The following TRPC4 variants were observed in gnomAD, a reference collection of about 807,000 sequenced individuals.
TRPC4 encodes transient receptor potential cation channel subfamily C member 4, also known as short transient receptor potential channel 4.
In TRPC4, 49 loss-of-function variants were observed where a neutral mutation model predicts 99.4. That is an observed-to-expected ratio of 0.49 (90% confidence interval 0.39 to 0.63). The LOEUF (loss-of-function observed/expected upper bound fraction) is 0.63. Among genes scored for constraint, TRPC4 ranks in the 20% least tolerant of loss-of-function variants. TRPC4 has a pLI of 0.00. For synonymous variants in TRPC4, 454 were observed against 425.9 expected (o/e 1.07, Z -0.81); for missense variants, 898 against 1,152.9 (o/e 0.78, Z 3.20).
chr13:37,712,999 T>C (rs1373643710), intron 3 of TRPC4, among the ~76,000 whole-genome samples: 1 of 152,198 alleles, frequency 6.6e-6, no homozygotes. Context: ...TCAGGCTAAC[T>C]AAGATTTGTT....
At chr13:37,840,733 T>C (rs1230251625) in intron 1 of TRPC4, among the ~76,000 whole-genome samples, 2 of 152,038 alleles carry the variant, frequency 1.3e-5, no homozygotes, top group African/African-American at 4.8e-5. Flanking sequence ...TAAATTTATT[T>C]TTACATTTTC....
intron 1 of TRPC4, among the ~76,000 whole-genome samples, chr13:37,815,084 G>C (rs968367152): frequency 6.6e-6 from 1 of 151,726 alleles, no homozygotes; most frequent in Non-Finnish European, 1.5e-5. Context: ...ATGGAAAAAA[G>C]ATCTTTCAAT....
rs749733352 is a variant in TRPC4 at position 37,639,286 on chromosome 13, T to G, written c.2093A>C (p.Asp698Ala). 1.2e-6 allele frequency: 2 copies of G among 1,613,712 alleles called. No homozygotes were observed. Among genetic ancestry groups the G allele is most frequent in the African/African-American group, 2.7e-5 (2 of 75,032 alleles). The change falls in exon 9 of 11, where the codon GAT becomes GCT. Residue 698 changes from aspartate to alanine, a missense_variant. By Grantham distance (126) the Asp-to-Ala change is moderately radical. Coordinates refer to ENST00000379705, the MANE Select transcript of TRPC4 (RefSeq NM_016179.4). ...GTATTGGTGATGTCTTCTCAAGTTA[T>G]CAGCAGCTCGCCTCTGAAAAGGAAA... ...SFGTIGRRAADNLRRHHQYQE... is the reference protein window; with the variant it reads ...SFGTIGRRAAANLRRHHQYQE...
chr13:37,812,424 CAAG>C (rs1957729767), intron 1 of TRPC4, among the ~76,000 whole-genome samples: 1 of 151,482 alleles, frequency 6.6e-6, no homozygotes, highest in Non-Finnish European at 1.5e-5. Context: ...TTAAAATTAG[CAAG>C]AAAAGCTACA....
intron 5 of TRPC4, among the ~76,000 whole-genome samples, chr13:37,667,952 C>T (rs971997071): frequency 2.6e-5 from 4 of 152,106 alleles, no homozygotes; most frequent in African/African-American, 9.7e-5. Flanking sequence ...CTGTGTCAGG[C>T]ACTGTCTTCG....
At position 37,746,452 on chromosome 13, in the gene TRPC4, G is replaced by A. The variant is rs1336299523; in HGVS notation, c.382C>T (p.Pro128Ser). 2 of 1,442,940 alleles carry A rather than the reference G, an allele frequency of 1.4e-6. No individual in the cohort carries two copies. The highest frequency in any genetic ancestry group is 1.8e-6 in the Non-Finnish European group (2 of 1,106,930). 89.4% of individuals were successfully genotyped at this position (1,442,940 alleles called of 1,614,324 possible). A position where few individuals can be genotyped will look rare whatever the true frequency, so the allele number is the denominator to read the frequency against. The change falls in exon 3 of 11, where the codon CCT (proline) becomes TCT (serine). Residue 128 changes from proline (P) to serine (S), a missense_variant. Physicochemically the swap from Pro to Ser is moderately conservative, Grantham distance 74 (BLOSUM62 -1). This residue lies in a region of TRPC4 where 278 missense variants were observed against 346.6 expected (regional missense o/e 0.80). Transcript: ENST00000379705. ...HKKPSGEKQV[P>S]PILLDKQFSE... ...AACTGCTTATCAAGGAGTATAGGAG[G>A]CACCTAAAAAAAAAAAAGGCAGAGG...
At position 37,636,783 on chromosome 13, in the gene TRPC4, C is replaced by G. The variant is rs899844699; in HGVS notation, c.*120G>C. 6.5e-6 allele frequency: 8 copies of G among 1,227,942 alleles called. No individual in the cohort carries two copies. In the East Asian group the frequency reaches 1.7e-4, roughly 26 times the overall value. 76.1% of individuals were successfully genotyped at this position (1,227,942 alleles called of 1,614,324 possible). Reference sequence around the variant, plus strand: ...TAAACATGTTACAGGTAATATGCCACAGCTGATAAACGCTATAAAGTGTAA... The same window carrying G: ...TAAACATGTTACAGGTAATATGCCAGAGCTGATAAACGCTATAAAGTGTAA... On this transcript the variant is annotated 3_prime_UTR_variant, in exon 11 of 11. Transcript: ENST00000379705.
chr13:37,797,273 A>G (rs1214092203), intron 1 of TRPC4, among the ~76,000 whole-genome samples: 1 of 152,196 alleles, frequency 6.6e-6, no homozygotes, highest in African/African-American at 2.4e-5. Flanking sequence ...CCCCAGTTAC[A>G]GACAGTGAAT....
chr13:37,753,607 GAA>G (rs576337415), intron 2 of TRPC4, among the ~76,000 whole-genome samples: 5,009 of 111,056 alleles, frequency 0.045, 108 homozygotes, highest in African/African-American at 0.095. Flanking sequence ...GAGAGAGAGA[GAA>G]AGAAAGAAAG....
At chr13:37,687,671 A>G (rs1164958523) in intron 4 of TRPC4, among the ~76,000 whole-genome samples, 1 of 152,356 alleles carries the variant, frequency 6.6e-6, no homozygotes, top group Non-Finnish European at 1.5e-5. Flanking sequence ...TTCCCAGTAT[A>G]TTAAAAATCA....
intron 1 of TRPC4, among the ~76,000 whole-genome samples, chr13:37,784,091 A>G (rs1956913531): frequency 1.3e-5 from 2 of 152,148 alleles, no homozygotes; most frequent in Non-Finnish European, 2.9e-5. Context: ...ACTGAGCCCA[A>G]TGAACATAAT....
At chr13:37,782,030 A>G (rs1956854257) in intron 2 of TRPC4, among the ~76,000 whole-genome samples, 1 of 152,142 alleles carries the variant, frequency 6.6e-6, no homozygotes, top group South Asian at 2.1e-4. Context: ...CCATTTTATA[A>G]GATTTTACTT....
intron 4 of TRPC4, among the ~76,000 whole-genome samples, chr13:37,679,336 A>G (rs539455140): frequency 1.1e-4 from 17 of 152,306 alleles, no homozygotes; most frequent in Admixed American, 1.0e-3. Context: ...AATGTAGCCA[A>G]AATTACAAAA....
At chr13:37,848,847 T>C (rs1423144814) in intron 1 of TRPC4, among the ~76,000 whole-genome samples, 4 of 152,216 alleles carry the variant, frequency 2.6e-5, no homozygotes, top group Non-Finnish European at 5.9e-5. Context: ...AATTAAGAAC[T>C]AACATGCTTT....
chr13:37,698,426 G>T (rs1277361390), intron 3 of TRPC4, among the ~76,000 whole-genome samples: 1 of 151,740 alleles, frequency 6.6e-6, no homozygotes, highest in Non-Finnish European at 1.5e-5. Context: ...CTCACAAAGT[G>T]CTGGGAGGAC....
chr13:37,789,616 A>G (rs989491173), intron 1 of TRPC4, among the ~76,000 whole-genome samples: 1 of 152,166 alleles, frequency 6.6e-6, no homozygotes, highest in African/African-American at 2.4e-5. Context: ...CCACTTGCCT[A>G]AAATTGTTTT....
At chr13:37,868,429 C>T (rs1230369688) in intron 1 of TRPC4, among the ~76,000 whole-genome samples, 1 of 152,124 alleles carries the variant, frequency 6.6e-6, no homozygotes, top group Non-Finnish European at 1.5e-5. Flanking sequence ...ATTTTAACAT[C>T]TCCACCCACT....
At chr13:37,822,154 T>C (rs1245525985) in intron 1 of TRPC4, among the ~76,000 whole-genome samples, 1 of 152,214 alleles carries the variant, frequency 6.6e-6, no homozygotes, top group Non-Finnish European at 1.5e-5. Context: ...GAACAGACAC[T>C]TTTCCAAAGA....
intron 1 of TRPC4, among the ~76,000 whole-genome samples, chr13:37,792,913 A>G (rs929335660): frequency 2.6e-5 from 4 of 152,144 alleles, no homozygotes; most frequent in Non-Finnish European, 4.4e-5. Context: ...TATGTGGCTT[A>G]GGCATTGCCG....
Sources: gnomAD v4.1 joint callset for allele counts (sites outside exome capture counted in the v4.1 genomes callset) on GRCh38, gnomAD v4.1.1 for gene constraint, gnomAD v4.1.1 regional missense constraint, MANE v1.5 for transcripts, NCBI Gene and HGNC (gene_info 2026-07-23, HGNC 2026-07-21) for gene names.